CALN1: variants seen among roughly 807,000 people sequenced by gnomAD.
CALN1 encodes calneuron 1, also known as calcium-binding protein 8.
In CALN1, 17 loss-of-function variants were observed where a neutral mutation model predicts 30.6. That is an observed-to-expected ratio of 0.56 (90% confidence interval 0.38 to 0.83). The LOEUF is 0.83. Ranked by LOEUF, CALN1 falls within the 40% of genes least tolerant of loss-of-function variation. CALN1 has a pLI of 0.00. For missense variants in CALN1, 291 were observed against 354.9 expected, an observed-to-expected ratio of 0.82 and a Z score of 1.45; for synonymous variants, 156 against 131.4, an observed-to-expected ratio of 1.19 and a Z score of -1.28.
chr7:71,923,800 TC>T (rs111594089), intron 5 of CALN1, among the ~76,000 whole-genome samples: 972 of 32,816 alleles, frequency 0.03, 9 homozygotes, highest in African/African-American at 0.16. Context: ...ACCACAGTGT[TC>T]CCCTCCCTGT....
intron 5 of CALN1, among the ~76,000 whole-genome samples, chr7:71,846,977 C>T (rs942607159): frequency 6.8e-6 from 1 of 146,314 alleles, no homozygotes; most frequent in Non-Finnish European, 1.5e-5. Context: ...CACATATATA[C>T]ACATATACAC....
At chr7:72,163,038 G>C (rs1248112973) in intron 3 of CALN1, among the ~76,000 whole-genome samples, 1 of 152,216 alleles carries the variant, frequency 6.6e-6, no homozygotes, top group East Asian at 1.9e-4. Context: ...TGAAAGTGCT[G>C]AGCAGAGATT....
chr7:72,221,312 CTTTT>C (rs1174615183), intron 3 of CALN1, among the ~76,000 whole-genome samples: 9 of 88,980 alleles, frequency 1.0e-4, no homozygotes, highest in Admixed American at 2.9e-4. Flanking sequence ...GTCTTGGCTT[CTTTT>C]TTTTTTTTTT....
chr7:72,418,567 T>C (rs1408628135), intron 1 of CALN1, among the ~76,000 whole-genome samples: 1 of 152,174 alleles, frequency 6.6e-6, no homozygotes, highest in East Asian at 1.9e-4. Flanking sequence ...GTATCCCCAG[T>C]ACCTCAGCCA....
intron 3 of CALN1, among the ~76,000 whole-genome samples, chr7:72,263,290 A>G (rs1796391448): frequency 6.6e-6 from 1 of 152,234 alleles, no homozygotes; most frequent in Non-Finnish European, 1.5e-5. Flanking sequence ...CCTATAAAGT[A>G]TATATTATTA....
the CALN1 span, among the ~76,000 whole-genome samples, chr7:72,460,437 G>A: frequency 6.6e-6 from 1 of 151,876 alleles, no homozygotes; most frequent in African/African-American, 2.4e-5. Flanking sequence ...TTCGAGACCA[G>A]CCTGGCCAAC....
chr7:71,889,157 G>C (rs1203450538), intron 5 of CALN1, among the ~76,000 whole-genome samples: 1 of 152,186 alleles, frequency 6.6e-6, no homozygotes, highest in Non-Finnish European at 1.5e-5. Flanking sequence ...AAACTGGGTA[G>C]ATTCTAAACA....
intron 5 of CALN1, among the ~76,000 whole-genome samples, chr7:71,975,033 C>T (rs1286352349): frequency 1.3e-5 from 2 of 152,136 alleles, no homozygotes; most frequent in Admixed American, 1.3e-4. Context: ...TCACCAAATC[C>T]CACCCAACCA....
At position 72,389,519 on chromosome 7, in the gene CALN1, T is replaced by A. The variant is rs141118450; in HGVS notation, c.119+13732A>T. ...AGGCTTTAATTTTGCAAGCTTTCAC[T>A]GCCCGTGAAGCATGGTTTTAAAGTG... On this transcript the variant is annotated intron_variant, in intron 2 of 6. Coordinates refer to ENST00000395275, the MANE Select transcript of CALN1 (RefSeq NM_031468.4). Among the ~76,000 whole-genome samples, 814 of 152,332 alleles carry A rather than the reference T, an allele frequency of 5.3e-3. 4 individuals are homozygous for A. The highest frequency in any genetic ancestry group is 6.8e-3 in the Non-Finnish European group (464 of 68,022).
chr7:72,093,023 T>C (rs1257232274), intron 4 of CALN1, among the ~76,000 whole-genome samples: 1 of 152,128 alleles, frequency 6.6e-6, no homozygotes, highest in East Asian at 1.9e-4. Context: ...GGTATATTTA[T>C]TGCTGCAGCA....
chr7:72,040,623 A>C (rs1313141144), intron 4 of CALN1, among the ~76,000 whole-genome samples: 2 of 152,236 alleles, frequency 1.3e-5, no homozygotes, highest in Non-Finnish European at 2.9e-5. Flanking sequence ...AATTAAGGTT[A>C]AATTGTCTCA....
At chr7:71,916,442 G>A (rs747267163) in intron 5 of CALN1, among the ~76,000 whole-genome samples, 5 of 151,916 alleles carry the variant, frequency 3.3e-5, no homozygotes, top group Non-Finnish European at 7.4e-5. Flanking sequence ...ATGATTTTCT[G>A]GATAAAGAAA....
At chr7:71,988,633 G>A (rs952289539) in intron 5 of CALN1, among the ~76,000 whole-genome samples, 3 of 152,130 alleles carry the variant, frequency 2.0e-5, no homozygotes, top group Non-Finnish European at 4.4e-5. Flanking sequence ...GTATTCTTCT[G>A]GGAAATTAGG....
intron 5 of CALN1, among the ~76,000 whole-genome samples, chr7:71,879,405 C>T (rs527829548): frequency 6.2e-4 from 94 of 152,110 alleles, no homozygotes; most frequent in Non-Finnish European, 8.4e-4. Flanking sequence ...GTGCAAGAGG[C>T]GAAGACTTGT....
At chr7:72,377,771 GTT>G (rs1219767316) in intron 2 of CALN1, among the ~76,000 whole-genome samples, 1 of 152,012 alleles carries the variant, frequency 6.6e-6, no homozygotes, top group Non-Finnish European at 1.5e-5. Flanking sequence ...GCTCTGTTAG[GTT>G]TCTCCAACAC....
intron 2 of CALN1, among the ~76,000 whole-genome samples, chr7:72,380,264 G>A (rs1255686293): frequency 6.6e-6 from 1 of 152,086 alleles, no homozygotes; most frequent in African/African-American, 2.4e-5. Flanking sequence ...TAAACATGGG[G>A]CCTATGAGAA....
chr7:72,327,816 G>C (rs1159790308), intron 2 of CALN1, among the ~76,000 whole-genome samples: 2 of 152,094 alleles, frequency 1.3e-5, no homozygotes, highest in Non-Finnish European at 2.9e-5. Flanking sequence ...AAAAAGGCAA[G>C]GTTCAGTTCT....
intron 5 of CALN1, among the ~76,000 whole-genome samples, chr7:71,981,592 G>A (rs1222571857): frequency 1.3e-5 from 2 of 151,968 alleles, no homozygotes; most frequent in Middle Eastern, 6.3e-3. Flanking sequence ...AGGCGGAGGA[G>A]GTTACAGTGA....
At chr7:71,796,565 G>C (rs1223129728) in intron 6 of CALN1, among the ~76,000 whole-genome samples, 2 of 151,434 alleles carry the variant, frequency 1.3e-5, no homozygotes, top group Non-Finnish European at 2.9e-5. Flanking sequence ...CCACTACGTT[G>C]GCCAGGCTGA....
Sources: gnomAD v4.1 joint callset for allele counts (sites outside exome capture counted in the v4.1 genomes callset) on GRCh38, gnomAD v4.1.1 for gene constraint, MANE v1.5 for transcripts, NCBI Gene and HGNC (gene_info 2026-07-23, HGNC 2026-07-21) for gene names.